The following TMEM132D variants were observed in gnomAD, a reference collection of about 807,000 sequenced individuals.
The protein encoded by TMEM132D is transmembrane protein 132D, also known as mature OL transmembrane protein.
TMEM132D carries 21 observed loss-of-function variants against 62.3 expected under a neutral mutation model. The observed-to-expected ratio is 0.34, with a 90% CI of 0.24 to 0.49. The LOEUF (loss-of-function observed/expected upper bound fraction) is 0.49. Among genes scored for constraint, TMEM132D ranks in the 20% least tolerant of loss-of-function variants. The pLI, the probability that TMEM132D is intolerant of heterozygous loss-of-function variation, is 0.99. For synonymous variants in TMEM132D, 621 were observed against 575.6 expected (o/e 1.08, Z -1.13); for missense variants, 1,346 against 1,402.8 (o/e 0.96, Z 0.65).
chr12:129,434,301 G>C (rs1296167550), intron 3 of TMEM132D, among the ~76,000 whole-genome samples: 1 of 152,126 alleles, frequency 6.6e-6, no homozygotes, highest in Admixed American at 6.5e-5. Context: ...ATCAGGTAAC[G>C]GATGAGAACA....
At chr12:129,746,047 T>C (rs2137262924) in intron 1 of TMEM132D, among the ~76,000 whole-genome samples, 1 of 152,264 alleles carries the variant, frequency 6.6e-6, no homozygotes, top group East Asian at 1.9e-4. Context: ...GAAGGAGGAA[T>C]GAGCTTTCCC....
intron 2 of TMEM132D, among the ~76,000 whole-genome samples, chr12:129,697,402 G>A (rs1312518852): frequency 6.6e-6 from 1 of 152,166 alleles, no homozygotes; most frequent in East Asian, 1.9e-4. Flanking sequence ...TAATAATCTT[G>A]CCAGGTCCAA....
chr12:129,585,883 T>C (rs952439219), intron 2 of TMEM132D, among the ~76,000 whole-genome samples: 3 of 151,764 alleles, frequency 2.0e-5, no homozygotes, highest in African/African-American at 7.3e-5. Context: ...ATTTTAAAAA[T>C]AATTTTGCAA....
chr12:129,467,467 G>T (rs1165039866), intron 3 of TMEM132D, among the ~76,000 whole-genome samples: 1 of 152,136 alleles, frequency 6.6e-6, no homozygotes, highest in Non-Finnish European at 1.5e-5. Flanking sequence ...TGAGTCACAT[G>T]ACCATCCCTG....
chr12:129,595,491 T>G (rs1021757127), intron 2 of TMEM132D, among the ~76,000 whole-genome samples: 1 of 152,184 alleles, frequency 6.6e-6, no homozygotes, highest in Non-Finnish European at 1.5e-5. Flanking sequence ...CCCACAACCC[T>G]TGCTACTGTG....
intron 4 of TMEM132D, among the ~76,000 whole-genome samples, chr12:129,304,348 C>A (rs776703474): frequency 6.6e-6 from 1 of 151,944 alleles, no homozygotes; most frequent in South Asian, 2.1e-4. Flanking sequence ...TCCTACAATA[C>A]CATGCAAAGG....
intron 3 of TMEM132D, among the ~76,000 whole-genome samples, chr12:129,457,519 C>A (rs1444503365): frequency 1.3e-5 from 2 of 150,844 alleles, no homozygotes; most frequent in African/African-American, 4.9e-5. Context: ...TGCAGCACAC[C>A]AACATGGCAC....
chr12:129,861,124 G>C (rs998965786), intron 1 of TMEM132D, among the ~76,000 whole-genome samples: 8 of 152,182 alleles, frequency 5.3e-5, no homozygotes, highest in African/African-American at 1.9e-4. Flanking sequence ...TATACTTTGA[G>C]AAATCTGTGA....
intron 4 of TMEM132D, among the ~76,000 whole-genome samples, chr12:129,312,182 G>A (rs772327000): frequency 2.0e-5 from 3 of 152,144 alleles, no homozygotes; most frequent in Non-Finnish European, 4.4e-5. Flanking sequence ...CAAATTCAAA[G>A]GTGTACTGTG....
chr12:129,438,388 A>G (rs892497237), intron 3 of TMEM132D, among the ~76,000 whole-genome samples: 2 of 152,230 alleles, frequency 1.3e-5, no homozygotes, highest in African/African-American at 4.8e-5. Context: ...CCCATAGAAT[A>G]GACAAATAAT....
intron 1 of TMEM132D, among the ~76,000 whole-genome samples, chr12:129,838,704 GGAAA>G (rs1217341316): frequency 6.6e-6 from 1 of 152,106 alleles, no homozygotes; most frequent in African/African-American, 2.4e-5. Context: ...GATATGAATA[GGAAA>G]GAGTGATTCT....
At chr12:129,682,720 G>A (rs574540422) in intron 2 of TMEM132D, among the ~76,000 whole-genome samples, 13 of 151,810 alleles carry the variant, frequency 8.6e-5, no homozygotes, top group East Asian at 1.9e-4. Flanking sequence ...TCAGCCGGGC[G>A]TGGTGGCGGG....
intron 1 of TMEM132D, among the ~76,000 whole-genome samples, chr12:129,859,526 G>C (rs1416824112): frequency 2.0e-5 from 3 of 152,142 alleles, no homozygotes; most frequent in Non-Finnish European, 4.4e-5. Flanking sequence ...TATCATTTCT[G>C]GGTGTGTCTG....
In TMEM132D at chr12:129,729,036, G is replaced by A. The variant is rs115639270; in HGVS notation, c.80-28338C>T. Among the ~76,000 whole-genome samples, 496 of 152,218 alleles carry A rather than the reference G, an allele frequency of 3.3e-3. 3 individuals carry two copies. Among genetic ancestry groups the A allele is most frequent in the African/African-American group, 0.012 (480 of 41,532 alleles). ...ACAAAAGATTTTATGTAAAAATCTT[G>A]ACTTAAGCTTTCATTTAAAACATTT... On this transcript the variant is annotated intron_variant, in intron 1 of 8. Transcript: ENST00000422113.
intron 4 of TMEM132D, among the ~76,000 whole-genome samples, chr12:129,219,833 C>T (rs1276511225): frequency 1.3e-5 from 2 of 152,158 alleles, no homozygotes; most frequent in African/African-American, 4.8e-5. Context: ...CAAGGCTCCA[C>T]ATGCCCTGGA....
intron 2 of TMEM132D, among the ~76,000 whole-genome samples, chr12:129,592,525 T>C (rs1426523915): frequency 6.6e-6 from 1 of 152,236 alleles, no homozygotes; most frequent in Non-Finnish European, 1.5e-5. Context: ...ATATGATATG[T>C]GCATAAAATA....
At chr12:129,275,998 C>T (rs1001715244) in intron 4 of TMEM132D, among the ~76,000 whole-genome samples, 1 of 151,940 alleles carries the variant, frequency 6.6e-6, no homozygotes, top group Non-Finnish European at 1.5e-5. Context: ...AATCTCTTAT[C>T]CCGCAGTCTG....
intron 2 of TMEM132D, among the ~76,000 whole-genome samples, chr12:129,605,604 T>TATATATATATATATATACACACACAC (rs150550863): frequency 5.6e-5 from 6 of 106,270 alleles, no homozygotes; most frequent in African/African-American, 7.8e-5. Flanking sequence ...TATATATATA[T>TATATATATATATATATACACACACAC]ACACACACAT....
At chr12:129,483,876 T>G (rs2137055198) in intron 3 of TMEM132D, among the ~76,000 whole-genome samples, 1 of 152,334 alleles carries the variant, frequency 6.6e-6, no homozygotes, top group South Asian at 2.1e-4. Context: ...TTCTCAATGA[T>G]TTTGCTCTAA....
Sources: gnomAD v4.1 joint callset for allele counts (sites outside exome capture counted in the v4.1 genomes callset) on GRCh38, gnomAD v4.1.1 for gene constraint, MANE v1.5 for transcripts, NCBI Gene and HGNC (gene_info 2026-07-23, HGNC 2026-07-21) for gene names.